Variants in IL1RAPL2 observed in about 807,000 individuals in gnomAD.
The protein encoded by IL1RAPL2 is X-linked interleukin-1 receptor accessory protein-like 2.
Under a neutral mutation model 44.1 loss-of-function variants are expected in IL1RAPL2, and 3 were observed. That is an observed-to-expected ratio of 0.07 (90% confidence interval 0.03 to 0.18). IL1RAPL2 has a LOEUF of 0.18. Ranked by LOEUF, IL1RAPL2 falls within the 10% of genes least tolerant of loss-of-function variation. The pLI, the probability that IL1RAPL2 is intolerant of heterozygous loss-of-function variation, is 1.00. For missense variants in IL1RAPL2, 391 were observed against 496.4 expected, an observed-to-expected ratio of 0.79 and a Z score of 2.02; for synonymous variants, 181 against 178.8, an observed-to-expected ratio of 1.01 and a Z score of -0.10.
intron 5 of IL1RAPL2, among the ~76,000 whole-genome samples, chrX:105,285,614 A>G (rs1351620780): frequency 1.8e-5 from 2 of 111,600 alleles, no homozygotes; most frequent in African/African-American, 6.5e-5. Context: ...ATGTGCCCCC[A>G]AAGACACAGC....
intron 5 of IL1RAPL2, among the ~76,000 whole-genome samples, chrX:105,421,347 C>T (rs939556053): frequency 6.3e-5 from 7 of 111,595 alleles, no homozygotes; most frequent in Admixed American, 1.9e-4. Context: ...TCAAACAGGA[C>T]GCAGATTTGC....
intron 5 of IL1RAPL2, among the ~76,000 whole-genome samples, chrX:105,388,812 C>T (rs1035712448): frequency 2.7e-5 from 3 of 111,210 alleles, no homozygotes; most frequent in Non-Finnish European, 5.7e-5. Context: ...CTGATAGCAT[C>T]TTGTTATCAT....
intron 6 of IL1RAPL2, among the ~76,000 whole-genome samples, chrX:105,684,370 G>T (rs2037951283): frequency 1.8e-5 from 2 of 113,056 alleles, no homozygotes; most frequent in South Asian, 7.1e-4. Flanking sequence ...TGGCAGACAA[G>T]GAGATTCTCT....
chrX:105,043,864 G>A (rs1453838694), intron 2 of IL1RAPL2, among the ~76,000 whole-genome samples: 2 of 111,769 alleles, frequency 1.8e-5, no homozygotes, highest in African/African-American at 6.5e-5. Context: ...ACTAGCAAAG[G>A]TTTGTCTCTT....
rs762128630 is a variant in IL1RAPL2, at chrX:105,583,140, T to G, written c.772+98753T>G. Among the ~76,000 whole-genome samples the G allele has an allele frequency of 3.3e-3, 159 of 48,286 alleles. 1 individual carries two copies. The highest frequency in any genetic ancestry group is 0.027 in the Middle Eastern group (2 of 74). The allele number at this position is 48,286 out of a possible 115,157, so 41.9% of individuals were successfully genotyped here. On this transcript the variant is annotated intron_variant, in intron 6 of 10. Coordinates refer to ENST00000372582, the MANE Select transcript of IL1RAPL2 (RefSeq NM_017416.2). ...TTAACTAAGAATTCAATTTTTTTTGTTTTTTTTTTTTTGAGACGGAGTGTC... is the reference window on the plus strand; with the variant it reads ...TTAACTAAGAATTCAATTTTTTTTGGTTTTTTTTTTTTGAGACGGAGTGTC...
intron 6 of IL1RAPL2, among the ~76,000 whole-genome samples, chrX:105,685,785 T>A (rs2037966895): frequency 9.0e-6 from 1 of 111,557 alleles, no homozygotes; most frequent in African/African-American, 3.3e-5. Flanking sequence ...GGAAAAAGTG[T>A]TAAGGGCAGC....
At chrX:105,521,212 G>A (rs1343410619) in intron 6 of IL1RAPL2, among the ~76,000 whole-genome samples, 1 of 106,983 alleles carries the variant, frequency 9.3e-6, no homozygotes, top group African/African-American at 3.4e-5. Flanking sequence ...CCAAAGTGCT[G>A]AGATTACAGG....
At chrX:105,641,542 G>A (rs917362878) in intron 6 of IL1RAPL2, among the ~76,000 whole-genome samples, 4 of 111,794 alleles carry the variant, frequency 3.6e-5, no homozygotes, top group Non-Finnish European at 7.5e-5. Flanking sequence ...TAAGCAAAGT[G>A]AATGTGAACT....
At chrX:105,138,887 G>A (rs1417694744) in intron 2 of IL1RAPL2, among the ~76,000 whole-genome samples, 1 of 111,102 alleles carries the variant, frequency 9.0e-6, no homozygotes, top group Non-Finnish European at 1.9e-5. Flanking sequence ...TATGGTGGAA[G>A]CCTGTGAGAC....
At position 105,452,990 on chromosome X, in the gene IL1RAPL2, A is replaced by G. The variant is rs147206059; in HGVS notation, c.698-31323A>G. 9.2e-3 allele frequency among the ~76,000 whole-genome samples: 1,040 copies of G among 112,630 alleles called. 7 individuals are homozygous for G. The highest frequency in any genetic ancestry group is 0.015 in the Non-Finnish European group (804 of 53,286). On this transcript the variant is annotated intron_variant, in intron 5 of 10. Transcript: ENST00000372582. ...ATGATAGTAAGATGATTAGTGGTGC[A>G]CATTCACTATAAAAATACAATTTGA...
chrX:104,582,535 TTTCCTTCC>T (rs1156863575), intron 1 of IL1RAPL2, among the ~76,000 whole-genome samples: 4 of 108,623 alleles, frequency 3.7e-5, no homozygotes, highest in African/African-American at 1.3e-4. Context: ...TCTTTCCTTC[TTTCCTTCC>T]TTCCTCCCCT....
chrX:105,097,609 A>T (rs1476872642), intron 2 of IL1RAPL2, among the ~76,000 whole-genome samples: 1 of 111,753 alleles, frequency 8.9e-6, no homozygotes, highest in Non-Finnish European at 1.9e-5. Flanking sequence ...TTCACTTAAG[A>T]TGACACAAAA....
chrX:104,872,843 C>T (rs1322525639), intron 2 of IL1RAPL2, among the ~76,000 whole-genome samples: 2 of 111,141 alleles, frequency 1.8e-5, no homozygotes, highest in South Asian at 3.8e-4. Context: ...AAAATATTCT[C>T]ATATATCCAT....
intron 6 of IL1RAPL2, among the ~76,000 whole-genome samples, chrX:105,627,487 T>G (rs1212883301): frequency 9.1e-6 from 1 of 110,142 alleles, no homozygotes; most frequent in African/African-American, 3.3e-5. Context: ...TAGATGGGAG[T>G]TTTTAGGAAT....
At chrX:105,545,526 A>G (rs2036787589) in intron 6 of IL1RAPL2, among the ~76,000 whole-genome samples, 2 of 111,860 alleles carry the variant, frequency 1.8e-5, no homozygotes, top group Admixed American at 9.5e-5. Flanking sequence ...TAAAAGGAAA[A>G]CTTTTTAAGG....
At chrX:104,808,269 C>T (rs1431986422) in intron 2 of IL1RAPL2, among the ~76,000 whole-genome samples, 1 of 111,718 alleles carries the variant, frequency 9.0e-6, no homozygotes, top group Admixed American at 9.6e-5. Context: ...GTCTTGCCTC[C>T]TTTATATTTT....
intron 5 of IL1RAPL2, among the ~76,000 whole-genome samples, chrX:105,286,876 TA>T (rs1166191882): frequency 9.0e-6 from 1 of 111,590 alleles, no homozygotes; most frequent in Non-Finnish European, 1.9e-5. Flanking sequence ...AATGAACAAA[TA>T]AAATCCCTAA....
intron 2 of IL1RAPL2, among the ~76,000 whole-genome samples, chrX:104,668,711 G>A (rs781311576): frequency 9.4e-6 from 1 of 106,141 alleles, no homozygotes; most frequent in East Asian, 3.1e-4. Context: ...AAAGGAACTT[G>A]TTTCTGGTCT....
intron 6 of IL1RAPL2, chrX:105,675,992 A>G (rs938954733): frequency 3.6e-5 from 4 of 111,416 alleles, no homozygotes; most frequent in African/African-American, 1.3e-4. Flanking sequence ...ATTTCTGTGG[A>G]TCAGTGGTGA....
Sources: gnomAD v4.1 joint callset for allele counts (sites outside exome capture counted in the v4.1 genomes callset) on GRCh38, gnomAD v4.1.1 for gene constraint, MANE v1.5 for transcripts, NCBI Gene and HGNC (gene_info 2026-07-23, HGNC 2026-07-21) for gene names.